ATG4B: variants seen among roughly 807,000 people sequenced by gnomAD.
The protein encoded by ATG4B is cysteine protease ATG4B.
ATG4B carries 29 observed loss-of-function variants against 56.6 expected under a neutral mutation model. That is an observed-to-expected ratio of 0.51 (90% CI 0.38 to 0.70). The LOEUF (loss-of-function observed/expected upper bound fraction) is 0.70. Ranked by LOEUF, ATG4B falls within the 30% of genes least tolerant of loss-of-function variation. The pLI is 0.00. For missense variants in ATG4B, 461 were observed against 515.5 expected (o/e 0.89, Z 1.02); for synonymous variants, 224 against 206.1 (o/e 1.09, Z -0.74).
intron 7 of ATG4B, among the ~76,000 whole-genome samples, chr2:241,661,685 A>ATC (rs971322743): frequency 6.6e-6 from 1 of 152,146 alleles, no homozygotes; most frequent in Non-Finnish European, 1.5e-5. Context: ...TCCCACTCAG[A>ATC]TTTTAGGTGA....
chr2:241,670,920 A>G lies in ATG4B; in HGVS notation c.1014+138A>G, dbSNP rs533178385. On this transcript the variant is annotated intron_variant, in intron 11 of 12. Coordinates refer to ENST00000404914, the MANE Select transcript of ATG4B (RefSeq NM_013325.5). The stretch of plus-strand genomic sequence containing the variant: ...TGGGGAGCTTTGTCCCGCCTGGCAC[A>G]GCTATGTAGCTGAGCAGGGTGGGGC... The G allele has an allele frequency of 1.5e-5, 14 of 915,400 alleles. No individual in the cohort carries two copies. The African/African-American group carries it at 2.3e-4, about 15-fold the overall frequency. The allele number at this position is 915,400 out of a possible 1,614,324, so 56.7% of individuals were successfully genotyped here. A position where few individuals can be genotyped will look rare whatever the true frequency, so the allele number is the denominator to read the frequency against.
At chr2:241,662,461 A>T (rs986619543) in intron 7 of ATG4B, among the ~76,000 whole-genome samples, 1 of 152,226 alleles carries the variant, frequency 6.6e-6, no homozygotes, top group African/African-American at 2.4e-5. Context: ...AAATATAAAG[A>T]GAACACGAGA....
chr2:241,659,088 C>G lies in ATG4B; in HGVS notation c.459-20C>G, dbSNP rs373176472. The G allele has an allele frequency of 1.3e-6, 2 of 1,569,362 alleles. No homozygotes were observed. Among genetic ancestry groups the G allele is most frequent in the African/African-American group, 2.7e-5 (2 of 73,794 alleles). On this transcript the variant is annotated intron_variant, in intron 6 of 12. Transcript: ENST00000404914. ...TTTGAATTGTACAAAAGCTTATGGT[C>G]ATTCTCCTACTCTCTGTAGGAAGCT...
chr2:241,654,767 T>A, intron 5 of ATG4B, 120 bp downstream of exon 5: 1 of 766,048 alleles, frequency 1.3e-6, no homozygotes, highest in Non-Finnish European at 2.2e-6. Flanking sequence ...TGTAAACCTG[T>A]AAACACTGAC....
At chr2:241,662,589 G>A (rs546205350) in intron 7 of ATG4B, among the ~76,000 whole-genome samples, 5 of 152,290 alleles carry the variant, frequency 3.3e-5, no homozygotes, top group South Asian at 4.2e-4. Flanking sequence ...AGAAGCAACC[G>A]GCCCAGCTAC....
rs752584141 is a variant in ATG4B, at chr2:241,668,148, C to T, written c.738C>T (p.Cys246=). ...NEAYVETLKH[C]FMMPQSLGVI... Reference sequence around the variant, plus strand: ...AGTCCCCCGCCCCTCCACAGCACTGCTTCATGATGCCCCAGTCCCTGGGCG... The same window carrying T: ...AGTCCCCCGCCCCTCCACAGCACTGTTTCATGATGCCCCAGTCCCTGGGCG... The change falls in exon 9 of 13, where the codon TGC becomes TGT. Residue 246 remains cysteine (C), a synonymous_variant. Transcript: ENST00000404914. The surrounding 1 kb of genome is among the most constrained non-coding windows in gnomAD (Gnocchi z 4.2). 4.7e-5 allele frequency: 75 copies of T among 1,600,188 alleles called. No individual in the cohort carries two copies. The Admixed American group carries it at 1.3e-3, about 27-fold the overall frequency.
intron 1 of ATG4B, among the ~76,000 whole-genome samples, chr2:241,644,970 T>G (rs2068019342): frequency 6.6e-6 from 1 of 151,714 alleles, no homozygotes; most frequent in African/African-American, 2.4e-5. Context: ...AGAAAGAAAT[T>G]AGAAGTGTTA....
At chr2:241,659,343 C>T (rs538058441) in intron 7 of ATG4B, 156 bp downstream of exon 7, 82 of 719,612 alleles carry the variant, frequency 1.1e-4, no homozygotes, top group Admixed American at 1.0e-3. Context: ...GCCAGATGCA[C>T]GGTGGCCTCG....
At chr2:241,670,583 C>A in intron 10 of ATG4B, 143 bp from the exon 11 acceptor site, 3 of 800,272 alleles carry the variant, frequency 3.7e-6, no homozygotes, top group Admixed American at 2.1e-5. Context: ...TTCCTGGCCA[C>A]AGGAGCCAAG....
At chr2:241,672,140 C>T in intron 12 of ATG4B, 51 bp from the exon 13 acceptor site, 1 of 1,550,766 alleles carries the variant, frequency 6.4e-7, no homozygotes, top group Non-Finnish European at 8.7e-7. Context: ...TTGACTCACA[C>T]CCAGGTGGCC....
intron 7 of ATG4B, among the ~76,000 whole-genome samples, chr2:241,663,650 T>G (rs2125138872): frequency 6.6e-6 from 1 of 152,148 alleles, no homozygotes; most frequent in South Asian, 2.1e-4. Context: ...CAAAGAATAA[T>G]ATTAAAGACA....
At position 241,666,662 on chromosome 2, in the gene ATG4B, A is replaced by G. The variant is rs1559269890; in HGVS notation, c.556A>G (p.Ser186Gly). The change falls in exon 8 of 13, where the codon AGC becomes GGC. Residue 186 changes from serine (S) to glycine (G), a missense_variant. Coordinates refer to ENST00000404914, the MANE Select transcript of ATG4B (RefSeq NM_013325.5). The stretch of plus-strand genomic sequence containing the variant: ...CTTTCTAGGAAGGTTGTGCAGGACC[A>G]GCGTTCCCTGTGCAGGCGCCACTGC... Reference protein sequence around the residue: ...MEEIRRLCRTSVPCAGATAFP... With the variant: ...MEEIRRLCRTGVPCAGATAFP... The G allele has an allele frequency of 1.9e-6, 3 of 1,613,544 alleles. No homozygotes were observed. Among genetic ancestry groups the G allele is most frequent in the East Asian group, 2.2e-5 (1 of 44,874 alleles).
In ATG4B at chr2:241,661,535, G is replaced by T. The variant is rs187804545; in HGVS notation, c.538+2348G>T. 1.1e-4 allele frequency among the ~76,000 whole-genome samples: 16 copies of T among 152,298 alleles called. No homozygotes were observed. In the East Asian group the frequency reaches 1.9e-3, roughly 18 times the overall value. Reference sequence around the variant, plus strand: ...CAAAGCCGAAGCTAGAGAAACAGACGTGTCCTTGGCTAAGCAAGGACTTTT... The same window carrying T: ...CAAAGCCGAAGCTAGAGAAACAGACTTGTCCTTGGCTAAGCAAGGACTTTT... On this transcript the variant is annotated intron_variant, in intron 7 of 12. Coordinates refer to ENST00000404914, the MANE Select transcript of ATG4B (RefSeq NM_013325.5).
At chr2:241,670,911 G>C in intron 11 of ATG4B, 129 bp downstream of exon 11, 1 of 974,136 alleles carries the variant, frequency 1.0e-6, no homozygotes, top group African/African-American at 1.6e-5. Flanking sequence ...GCTTTGTCCC[G>C]CCTGGCACAG....
At chr2:241,670,317 C>G (rs1421844654) in intron 10 of ATG4B, among the ~76,000 whole-genome samples, 1 of 151,550 alleles carries the variant, frequency 6.6e-6, no homozygotes, top group East Asian at 1.9e-4. Context: ...TCTCGGTGGC[C>G]TTTGCCGCCA....
chr2:241,659,169 G>A lies in ATG4B; in HGVS notation c.520G>A (p.Val174Ile), dbSNP rs1320928183. Residue 174 changes from valine (V) to isoleucine (I), a missense_variant, in exon 7 of 13, where the codon GTT becomes ATT. Transcript: ENST00000404914. ...LAVHIAMDNT[V>I]VMEEIRRLCR... ...GGTCCACATTGCAATGGACAACACT[G>A]TTGTGATGGAGGAAATCAGTAAGTG... 3.1e-6 allele frequency: 5 copies of A among 1,613,810 alleles called. No individual in the cohort carries two copies. The highest frequency in any genetic ancestry group is 1.3e-5 in the African/African-American group (1 of 75,062).
At chr2:241,643,591 T>C (rs922816749) in intron 1 of ATG4B, among the ~76,000 whole-genome samples, 7 of 149,476 alleles carry the variant, frequency 4.7e-5, no homozygotes, top group African/African-American at 1.7e-4. Context: ...TATATGTACA[T>C]ATATATATAA....
chr2:241,655,375 G>A (rs1156891661), intron 6 of ATG4B, 32 bp downstream of exon 6: 1 of 1,583,058 alleles, frequency 6.3e-7, no homozygotes. Context: ...CTGAGCATGG[G>A]GCAGCAGGGA....
At position 241,668,392 on chromosome 2, in the gene ATG4B, G is replaced by C. The variant is rs35275267; in HGVS notation, c.812-148G>C. The C allele has an allele frequency of 0.22, 300,785 of 1,365,362 alleles. 34,443 individuals carry two copies. The highest frequency in any genetic ancestry group is 0.26 in the East Asian group (10,578 of 39,988). The allele number at this position is 1,365,362 out of a possible 1,614,324, so 84.6% of individuals were successfully genotyped here. ...CGGCCTCCTGTGTGCCCCTTTCCCT[G>C]ATGGTCTGGTGCCCTCGGCTCCCTC... On this transcript the variant is annotated intron_variant, in intron 9 of 12. Transcript: ENST00000404914. The surrounding 1 kb of genome is among the most constrained non-coding windows in gnomAD (Gnocchi z 4.2).
Sources: gnomAD v4.1 joint callset for allele counts (sites outside exome capture counted in the v4.1 genomes callset) on GRCh38, gnomAD v4.1.1 for gene constraint, Gnocchi (gnomAD v3.1) non-coding constraint, MANE v1.5 for transcripts, NCBI Gene and HGNC (gene_info 2026-07-23, HGNC 2026-07-21) for gene names.